The following CPVL variants were observed in gnomAD, a reference collection of about 807,000 sequenced individuals.
CPVL encodes probable serine carboxypeptidase CPVL.
In CPVL, 51 loss-of-function variants were observed where a neutral mutation model predicts 63.7. The ratio of observed to expected loss-of-function variants is 0.80; its 90% CI spans 0.64 to 1.01. The LOEUF (loss-of-function observed/expected upper bound fraction) is 1.01. CPVL is among the 50% of genes least tolerant of loss of function. CPVL has a pLI of 0.00. For synonymous variants in CPVL, 195 were observed against 206.0 expected (o/e 0.95, Z 0.46); for missense variants, 530 against 573.1 (o/e 0.92, Z 0.77).
intron 9 of CPVL, among the ~76,000 whole-genome samples, chr7:29,067,548 G>C (rs1783257317): frequency 1.3e-5 from 2 of 151,536 alleles, no homozygotes; most frequent in Admixed American, 1.3e-4. Flanking sequence ...CCACTCAAGA[G>C]GACCACAGGG....
At chr7:29,066,743 T>C (rs1427591615) in intron 9 of CPVL, among the ~76,000 whole-genome samples, 1 of 151,976 alleles carries the variant, frequency 6.6e-6, no homozygotes, top group Non-Finnish European at 1.5e-5. Context: ...CTGGAGCTGG[T>C]GGAAGTTATC....
chr7:29,092,492 T>C (rs1047807553), intron 6 of CPVL, 131 bp downstream of exon 6: 9 of 637,926 alleles, frequency 1.4e-5, no homozygotes, highest in Non-Finnish European at 2.2e-5. Flanking sequence ...TGTGAAAATA[T>C]CCTTAAATTA....
chr7:29,000,324 G>A (rs1784487707), intron 12 of CPVL, among the ~76,000 whole-genome samples: 1 of 140,322 alleles, frequency 7.1e-6, no homozygotes, highest in Admixed American at 7.1e-5. Context: ...AGCTTCTTGG[G>A]GGTCTTGAAG....
chr7:29,049,839 C>T (rs1293244916), intron 11 of CPVL, among the ~76,000 whole-genome samples: 1 of 152,076 alleles, frequency 6.6e-6, no homozygotes. Context: ...GGGTTTCATA[C>T]CAGGGATGCA....
At chr7:29,162,960 T>C (rs1795391193) in intron 5 of CPVL, among the ~76,000 whole-genome samples, 1 of 152,174 alleles carries the variant, frequency 6.6e-6, no homozygotes, top group Non-Finnish European at 1.5e-5. Context: ...AGATAAAACA[T>C]TTGAATACAT....
At chr7:29,087,964 T>A (rs878937253) in intron 6 of CPVL, among the ~76,000 whole-genome samples, 1 of 152,212 alleles carries the variant, frequency 6.6e-6, no homozygotes, top group African/African-American at 2.4e-5. Flanking sequence ...GGCTTTAGAG[T>A]GCAGATAAAA....
intron 12 of CPVL, among the ~76,000 whole-genome samples, chr7:29,024,551 A>G (rs929964462): frequency 6.6e-6 from 1 of 152,234 alleles, no homozygotes; most frequent in African/African-American, 2.4e-5. Flanking sequence ...TATTATAGTT[A>G]TACTGTCAAA....
At position 29,037,552 on chromosome 7, in the gene CPVL, CAA is replaced by C. The variant is rs35631871; in HGVS notation, c.1138-6795_1138-6794del. Among the ~76,000 whole-genome samples, 99 of 56,330 alleles carry C rather than the reference CAA, an allele frequency of 1.8e-3. No individual in the cohort carries two copies. The East Asian group carries it at 0.051, about 29-fold the overall frequency. The allele number at this position is 56,330 out of a possible 152,430, so 37.0% of individuals were successfully genotyped here. On this transcript the variant is annotated intron_variant, in intron 11 of 12. Coordinates refer to ENST00000265394, the MANE Select transcript of CPVL (RefSeq NM_031311.5). ...TGGGTGACAGAGTGAGACTCCATCT[CAA>C]AAAAAAAAAAAAAAAAAAGAAAAGA...
chr7:29,087,172 T>C (rs1334902655), intron 6 of CPVL, among the ~76,000 whole-genome samples: 1 of 152,108 alleles, frequency 6.6e-6, no homozygotes, highest in East Asian at 1.9e-4. Context: ...ATGCCTATAA[T>C]ACCAGGACTT....
chr7:29,092,572 T>C (rs1285834654), intron 6 of CPVL, 51 bp downstream of exon 6: 5 of 1,269,498 alleles, frequency 3.9e-6, no homozygotes, highest in South Asian at 3.7e-5. Flanking sequence ...CCTATTGAGA[T>C]AGAAAAATGT....
intron 11 of CPVL, among the ~76,000 whole-genome samples, chr7:29,047,600 G>A (rs1789749359): frequency 6.6e-6 from 1 of 152,172 alleles, no homozygotes; most frequent in Admixed American, 6.5e-5. Context: ...AAATCGAAAA[G>A]TTTGGAAAAG....
intron 5 of CPVL, 76 bp downstream of exon 5, chr7:29,095,008 T>A (rs995203100): frequency 2.0e-6 from 2 of 1,002,612 alleles, no homozygotes; most frequent in African/African-American, 3.3e-5. Context: ...ATTTTTTAAA[T>A]GTACTTAATA....
At chr7:29,069,457 A>C (rs920997038) in intron 9 of CPVL, among the ~76,000 whole-genome samples, 1 of 151,980 alleles carries the variant, frequency 6.6e-6, no homozygotes, top group Admixed American at 6.5e-5. Context: ...AAAAAAAAAA[A>C]AAAGAAAAAG....
chr7:29,108,600 A>C (rs903324976), intron 3 of CPVL, among the ~76,000 whole-genome samples: 2 of 152,222 alleles, frequency 1.3e-5, no homozygotes, highest in Non-Finnish European at 2.9e-5. Context: ...ATAATTTTAA[A>C]AGTAATAATA....
intron 11 of CPVL, among the ~76,000 whole-genome samples, chr7:29,048,400 A>G (rs1342709694): frequency 6.6e-6 from 1 of 152,230 alleles, no homozygotes; most frequent in East Asian, 1.9e-4. Flanking sequence ...AAAAGTGAGC[A>G]GGAATAGCTA....
intron 12 of CPVL, among the ~76,000 whole-genome samples, chr7:29,025,936 C>T (rs568072125): frequency 9.5e-4 from 145 of 152,150 alleles, no homozygotes; most frequent in Non-Finnish European, 1.7e-3. Context: ...AAGAAAGAAA[C>T]GTCAGATTTA....
intron 11 of CPVL, among the ~76,000 whole-genome samples, chr7:29,031,366 G>T (rs1483336443): frequency 2.0e-5 from 3 of 152,150 alleles, no homozygotes; most frequent in Non-Finnish European, 2.9e-5. Context: ...CAACAGTGAG[G>T]AATGTTCTTT....
chr7:29,116,289 A>G (rs559267183), intron 2 of CPVL, among the ~76,000 whole-genome samples: 2 of 152,318 alleles, frequency 1.3e-5, no homozygotes, highest in Non-Finnish European at 2.9e-5. Context: ...CAAATTTTAA[A>G]TTTCCACTAA....
chr7:29,178,065 A>T (rs563181085), intron 5 of CPVL, among the ~76,000 whole-genome samples: 3 of 152,120 alleles, frequency 2.0e-5, no homozygotes, highest in African/African-American at 7.2e-5. Flanking sequence ...ACATTCCATC[A>T]TCAGCAAGTG....
Sources: allele counts gnomAD v4.1 joint callset (sites outside exome capture counted in the v4.1 genomes callset), GRCh38; gene constraint gnomAD v4.1.1; transcripts MANE v1.5; gene names NCBI Gene and HGNC (gene_info 2026-07-23, HGNC 2026-07-21).